LAMC3: variants seen among roughly 807,000 people sequenced by gnomAD.
LAMC3 encodes laminin subunit gamma-3.
In LAMC3, 128 loss-of-function variants were observed where a neutral mutation model predicts 173.8. The ratio of observed to expected loss-of-function variants is 0.74; its 90% confidence interval spans 0.64 to 0.85. LAMC3 has a LOEUF of 0.85. Among genes scored for constraint, LAMC3 ranks in the 40% least tolerant of loss-of-function variants. LAMC3 has a pLI of 0.00. For missense variants in LAMC3, 2,022 were observed against 2,156.0 expected, an observed-to-expected ratio of 0.94 and a Z score of 1.23; for synonymous variants, 897 against 909.1, an observed-to-expected ratio of 0.99 and a Z score of 0.24.
chr9:131,031,649 G>C (rs1378847082), intron 2 of LAMC3, among the ~76,000 whole-genome samples: 1 of 152,196 alleles, frequency 6.6e-6, no homozygotes, highest in South Asian at 2.1e-4. Context: ...CTGCACAACC[G>C]GGTCTTCAGT....
rs1307376520 is a variant in LAMC3 at position 131,092,041 on chromosome 9, C to T, written c.*254C>T. The T allele has an allele frequency of 1.2e-5, 7 of 564,822 alleles. No individual in the cohort carries two copies. Among genetic ancestry groups the T allele is most frequent in the Non-Finnish European group, 2.2e-5 (7 of 313,224 alleles). 35.0% of individuals were successfully genotyped at this position (564,822 alleles called of 1,614,324 possible). A position where few individuals can be genotyped will look rare whatever the true frequency, so the allele number is the denominator to read the frequency against. On this transcript the variant is annotated 3_prime_UTR_variant, in exon 28 of 28. Transcript: ENST00000361069. Reference sequence around the variant, plus strand: ...CCCTGCACATGCATAAACGGGCACACCCCAGTGTCAATAACATACACACGT... The same window carrying T: ...CCCTGCACATGCATAAACGGGCACATCCCAGTGTCAATAACATACACACGT...
At chr9:131,057,516 A>T (rs1829711846) in intron 12 of LAMC3, among the ~76,000 whole-genome samples, 1 of 152,092 alleles carries the variant, frequency 6.6e-6, no homozygotes, top group African/African-American at 2.4e-5. Context: ...TGCTGTGAGG[A>T]AGGGCAGAGG....
rs1194430237 is a variant in LAMC3, at chr9:131,085,615, AAAG to A, written c.4127_4129del (p.Lys1376del). 6.2e-7 allele frequency: 1 copy of A among 1,614,026 alleles called. No homozygotes were observed. The highest frequency in any genetic ancestry group is 2.2e-5 in the East Asian group (1 of 44,888). On this transcript the variant is annotated inframe_deletion, in exon 25 of 28. Transcript: ENST00000361069. ...GTGACAGACTCCTTGCAGACACGAG[AAAG>A]AAGACCAAGCAGGCGGAGAGGATGC...
intron 7 of LAMC3, among the ~76,000 whole-genome samples, chr9:131,045,099 G>A (rs1028408026): frequency 2.0e-5 from 3 of 152,036 alleles, no homozygotes; most frequent in African/African-American, 7.2e-5. Context: ...GCAGGCGCCT[G>A]CAATCCCAGC....
At chr9:131,062,153 G>A (rs565036976) in intron 13 of LAMC3, among the ~76,000 whole-genome samples, 1 of 152,144 alleles carries the variant, frequency 6.6e-6, no homozygotes, top group Non-Finnish European at 1.5e-5. Context: ...ACAAGGTCAG[G>A]AGTTTGAGAC....
intron 23 of LAMC3, among the ~76,000 whole-genome samples, 153 bp from the exon 24 acceptor site, chr9:131,081,906 C>T (rs1329478065): frequency 1.3e-5 from 2 of 152,206 alleles, no homozygotes; most frequent in African/African-American, 4.8e-5. Context: ...TATAATAACA[C>T]AGATCAGGTG....
chr9:131,026,319 G>A lies in LAMC3; in HGVS notation c.408G>A (p.Lys136=). ...ATGAGATCACGTATGTGAGGCTGAA[G>A]TTCCACACCAGTCGCCCTGAGAGCT... ...KAYEITYVRL[K]FHTSRPESFA... The change falls in exon 2 of 28, where the codon AAG becomes AAA. Residue 136 remains lysine (K), a synonymous_variant. Coordinates refer to ENST00000361069, the MANE Select transcript of LAMC3 (RefSeq NM_006059.4). The surrounding 1 kb of genome is among the most constrained non-coding windows in gnomAD (Gnocchi z 4.8). The A allele has an allele frequency of 1.2e-6, 2 of 1,614,172 alleles. No individual in the cohort carries two copies. The highest frequency in any genetic ancestry group is 1.1e-5 in the South Asian group (1 of 91,088).
intron 3 of LAMC3, among the ~76,000 whole-genome samples, chr9:131,032,427 GTTCC>G (rs146026740): frequency 1.9e-4 from 28 of 151,188 alleles, no homozygotes; most frequent in Admixed American, 9.9e-4. Flanking sequence ...CAGCCTGGAG[GTTCC>G]TTCCTTCCTC....
rs1436522378 is a variant in LAMC3, at chr9:131,041,755, A to G, written c.1382+20A>G. The G allele has an allele frequency of 6.2e-7, 1 of 1,607,182 alleles. No individual in the cohort carries two copies. The highest frequency in any genetic ancestry group is 1.3e-5 in the African/African-American group (1 of 74,858). On this transcript the variant is annotated intron_variant, in intron 7 of 27. Coordinates refer to ENST00000361069, the MANE Select transcript of LAMC3 (RefSeq NM_006059.4). Reference sequence around the variant, plus strand: ...TGACAGGTTTGTGAGCTAATCCAGCAGTAAGCTTGCTGGAAGTGACCTGGG... The same window carrying G: ...TGACAGGTTTGTGAGCTAATCCAGCGGTAAGCTTGCTGGAAGTGACCTGGG...
Position 131,039,244 on chromosome 9 carries a change from T to A in LAMC3, c.1279T>A (p.Cys427Ser). 6.2e-7 allele frequency: 1 copy of A among 1,604,134 alleles called. No individual in the cohort carries two copies. The highest frequency in any genetic ancestry group is 8.5e-7 in the Non-Finnish European group (1 of 1,179,746). The change falls in exon 6 of 28, where the codon TGC becomes AGC. Residue 427 changes from cysteine (C) to serine (S), a missense_variant. By Grantham distance (112) the Cys-to-Ser change is moderately radical (BLOSUM62 -1). Coordinates refer to ENST00000361069, the MANE Select transcript of LAMC3 (RefSeq NM_006059.4). ...GTTCCACTCGCTCAGTGAGGGAGGC[T>A]GCAGGTGAGGGCGAGGGGCGGCCCA... ...PGFHSLSEGG[C>S]RPCTCNPAGS...
chr9:131,010,043 ACTC>A (rs1176408710), intron 1 of LAMC3, among the ~76,000 whole-genome samples: 13 of 150,592 alleles, frequency 8.6e-5, no homozygotes, highest in Non-Finnish European at 1.8e-4. Flanking sequence ...AGTTCCAGCT[ACTC>A]AGGAGGCTGG....
In LAMC3 at chr9:131,066,989, T is replaced by G. The variant is rs145012531; in HGVS notation, c.2377T>G (p.Phe793Val). 1.2e-6 allele frequency: 2 copies of G among 1,613,634 alleles called. No homozygotes were observed. Among genetic ancestry groups the G allele is most frequent in the African/African-American group, 2.7e-5 (2 of 74,894 alleles). ...GRRCEVCDDGFFGDPLGLFGH... is the reference protein window; with the variant it reads ...GRRCEVCDDGVFGDPLGLFGH... ...GCGCTGTGAGGTCTGTGATGATGGCTTTTTTGGGGACCCGCTGGGGCTCTT... is the reference window on the plus strand; with the variant it reads ...GCGCTGTGAGGTCTGTGATGATGGCGTTTTTGGGGACCCGCTGGGGCTCTT... The change falls in exon 14 of 28, where the codon TTT (phenylalanine) becomes GTT (valine). Residue 793 changes from phenylalanine to valine, a missense_variant. Phe to Val is a conservative substitution (Grantham distance 50). Transcript: ENST00000361069.
chr9:131,075,834 C>T lies in LAMC3; in HGVS notation c.3498C>T (p.His1166=), dbSNP rs369399506. 2.5e-6 allele frequency: 4 copies of T among 1,610,782 alleles called. No individual in the cohort carries two copies. In the African/African-American group the frequency reaches 5.3e-5, roughly 21 times the overall value. Residue 1166 remains histidine, a synonymous_variant, in exon 21 of 28, where the codon CAC becomes CAT. Coordinates refer to ENST00000361069, the MANE Select transcript of LAMC3 (RefSeq NM_006059.4). ...ATEARALARS[H]RDTATKIAAT... ...TCAGGTGGGTGTCCTCACACAGCCA[C>T]AGAGACACCGCCACCAAGATCGCAG...
chr9:131,061,207 C>G lies in LAMC3; in HGVS notation c.2331C>G (p.Cys777Trp). 6.2e-7 allele frequency: 1 copy of G among 1,605,364 alleles called. No individual in the cohort carries two copies. The highest frequency in any genetic ancestry group is 8.5e-7 in the Non-Finnish European group (1 of 1,177,766). Residue 777 changes from cysteine (C) to tryptophan (W), a missense_variant, in exon 13 of 28, where the codon TGC (cysteine) becomes TGG (tryptophan). By Grantham distance (215) the Cys-to-Trp change is radical. Coordinates refer to ENST00000361069, the MANE Select transcript of LAMC3 (RefSeq NM_006059.4). ...GCCGGGAGGTGGTGTGTACCCACTG[C>G]CCCCCGGGCCAGAGAGGTAAGTGAC... is the stretch of plus-strand genomic sequence containing the variant. Reference protein sequence around the residue: ...PESREVVCTHCPPGQRGRRCE... With the variant: ...PESREVVCTHWPPGQRGRRCE...
intron 12 of LAMC3, among the ~76,000 whole-genome samples, chr9:131,059,584 C>T (rs1829768262): frequency 1.4e-5 from 2 of 145,684 alleles, no homozygotes; most frequent in Admixed American, 6.8e-5. Flanking sequence ...ATACAGGGCA[C>T]TCTGTCTTCT....
rs1265481494 is a variant in LAMC3, at chr9:131,041,621, C to T, written c.1284-16C>T. 3.1e-6 allele frequency: 5 copies of T among 1,611,814 alleles called. No homozygotes were observed. Among genetic ancestry groups the T allele is most frequent in the Non-Finnish European group, 4.2e-6 (5 of 1,178,560 alleles). On this transcript the variant is annotated splice_polypyrimidine_tract_variant and intron_variant, in intron 6 of 27. Coordinates refer to ENST00000361069, the MANE Select transcript of LAMC3 (RefSeq NM_006059.4). ...TGCTCATTGCACATTTTCCTCTTGT[C>T]CTGTCTCATTGGCAGACCCTGCACT...
intron 9 of LAMC3, 135 bp downstream of exon 9, chr9:131,049,265 T>G (rs1237594284): frequency 1.1e-5 from 8 of 701,334 alleles, no homozygotes; most frequent in Non-Finnish European, 2.1e-5. Context: ...GAAATAGGTC[T>G]CTCGGAGCTA....
intron 13 of LAMC3, 82 bp from the exon 14 acceptor site, chr9:131,066,878 C>G (rs527833295): frequency 6.4e-7 from 1 of 1,562,264 alleles, no homozygotes; most frequent in Admixed American, 1.7e-5. Flanking sequence ...GGTGGAGGGA[C>G]GCTTGCTCTG....
chr9:131,075,836 G>T lies in LAMC3; in HGVS notation c.3500G>T (p.Arg1167Ile). Residue 1167 changes from arginine to isoleucine, a missense_variant, in exon 21 of 28, where the codon AGA (arginine) becomes ATA (isoleucine). By Grantham distance (97) the Arg-to-Ile change is moderately conservative. Coordinates refer to ENST00000361069, the MANE Select transcript of LAMC3 (RefSeq NM_006059.4). Reference sequence around the variant, plus strand: ...AGGTGGGTGTCCTCACACAGCCACAGAGACACCGCCACCAAGATCGCAGCC... The same window carrying T: ...AGGTGGGTGTCCTCACACAGCCACATAGACACCGCCACCAAGATCGCAGCC... ...TEARALARSH[R>I]DTATKIAATA... The T allele has an allele frequency of 6.2e-7, 1 of 1,610,922 alleles. No individual in the cohort carries two copies.
Sources: allele counts gnomAD v4.1 joint callset (sites outside exome capture counted in the v4.1 genomes callset), GRCh38; gene constraint gnomAD v4.1.1; non-coding constraint Gnocchi (gnomAD v3.1); transcripts MANE v1.5; gene names NCBI Gene and HGNC (gene_info 2026-07-23, HGNC 2026-07-21).